NAF1: variants seen among roughly 807,000 people sequenced by gnomAD.
NAF1 encodes the protein H/ACA ribonucleoprotein complex non-core subunit NAF1.
Under a neutral mutation model 40.6 loss-of-function variants are expected in NAF1, and 11 were observed. The observed-to-expected ratio is 0.27, with a 90% confidence interval of 0.17 to 0.45. The LOEUF is 0.45. Among genes scored for constraint, NAF1 ranks in the 20% least tolerant of loss-of-function variants. NAF1 has a pLI of 1.00. For missense variants in NAF1, 607 were observed against 611.1 expected, an observed-to-expected ratio of 0.99 and a Z score of 0.07; for synonymous variants, 260 against 228.5, an observed-to-expected ratio of 1.14 and a Z score of -1.24.
At chr4:163,136,981 GAA>G (rs1473062490) in intron 6 of NAF1, among the ~76,000 whole-genome samples, 2 of 152,086 alleles carry the variant, frequency 1.3e-5, no homozygotes, top group Admixed American at 6.5e-5. Flanking sequence ...AAATGTAACT[GAA>G]AAAAGTTTTT....
chr4:163,149,186 C>A (rs1159454255), intron 2 of NAF1, among the ~76,000 whole-genome samples: 1 of 152,158 alleles, frequency 6.6e-6, no homozygotes, highest in Non-Finnish European at 1.5e-5. Flanking sequence ...TGACCTTAGC[C>A]TTTAGATTAA....
intron 1 of NAF1, among the ~76,000 whole-genome samples, chr4:163,165,697 G>T (rs1732424737): frequency 6.6e-6 from 1 of 152,160 alleles, no homozygotes; most frequent in Non-Finnish European, 1.5e-5. Context: ...TGTAGACAAT[G>T]TTCAGTGTGG....
intron 1 of NAF1, among the ~76,000 whole-genome samples, chr4:163,166,144 T>C (rs550048080): frequency 6.6e-6 from 1 of 152,040 alleles, no homozygotes; most frequent in African/African-American, 2.4e-5. Context: ...ATTTAGGAAA[T>C]AAGTCAGTAC....
intron 6 of NAF1, chr4:163,135,083 C>T (rs2110904290): frequency 6.6e-6 from 1 of 152,226 alleles, no homozygotes; most frequent in South Asian, 2.1e-4. Context: ...TTAAAAATGG[C>T]TATGAAGATG....
chr4:163,137,449 A>T (rs1398007726), intron 5 of NAF1, among the ~76,000 whole-genome samples, 199 bp from the exon 6 acceptor site: 1 of 152,210 alleles, frequency 6.6e-6, no homozygotes, highest in African/African-American at 2.4e-5. Context: ...GCAAGTAGAA[A>T]TATTAGGATT....
In NAF1 at chr4:163,166,414, G is replaced by T. The variant is rs1430768880; in HGVS notation, c.314C>A (p.Ala105Glu). The T allele has an allele frequency of 6.2e-7, 1 of 1,607,558 alleles. No homozygotes were observed. The highest frequency in any genetic ancestry group is 1.1e-5 in the South Asian group (1 of 90,634). Reference protein sequence around the residue: ...CVTSPGAAEPARAPDSLETSD... With the variant: ...CVTSPGAAEPERAPDSLETSD... ...GGTCTCCAAGGAGTCCGGCGCCCGC[G>T]CAGGCTCTGCGGCTCCTGGGGAGGT... The change falls in exon 1 of 8, where the codon GCG (alanine) becomes GAG (glutamate). Residue 105 changes from alanine to glutamate, a missense_variant. Ala to Glu is a moderately radical substitution (Grantham distance 107). This residue lies in a region of NAF1 where 407 missense variants were observed against 365.5 expected (regional missense o/e 1.11). Transcript: ENST00000274054.
chr4:163,154,839 C>T (rs1244285129), intron 2 of NAF1, among the ~76,000 whole-genome samples: 1 of 151,786 alleles, frequency 6.6e-6, no homozygotes, highest in Admixed American at 6.6e-5. Flanking sequence ...CCATTGCACT[C>T]CAGCCTGGGC....
chr4:163,136,551 T>C (rs1020569888), intron 6 of NAF1, among the ~76,000 whole-genome samples: 3 of 151,900 alleles, frequency 2.0e-5, no homozygotes, highest in African/African-American at 7.2e-5. Flanking sequence ...TTAAACACTT[T>C]CATGGAATGT....
chr4:163,131,691 A>G (rs886095042), intron 7 of NAF1, among the ~76,000 whole-genome samples: 1 of 152,212 alleles, frequency 6.6e-6, no homozygotes, highest in African/African-American at 2.4e-5. Flanking sequence ...GGAAGTTCTC[A>G]GATTCCATAA....
intron 2 of NAF1, among the ~76,000 whole-genome samples, chr4:163,149,900 T>C (rs1452794933): frequency 6.6e-6 from 1 of 152,170 alleles, no homozygotes; most frequent in Non-Finnish European, 1.5e-5. Flanking sequence ...AGGGCTTTAA[T>C]GATATTTCAG....
At chr4:163,152,878 C>G (rs894045600) in intron 2 of NAF1, among the ~76,000 whole-genome samples, 1 of 152,182 alleles carries the variant, frequency 6.6e-6, no homozygotes, top group East Asian at 1.9e-4. Context: ...GGGCTGCGCG[C>G]GGCGCTTGCG....
chr4:163,157,108 C>T (rs1732017381), intron 2 of NAF1: 1 of 152,044 alleles, frequency 6.6e-6, no homozygotes, highest in Non-Finnish European at 1.5e-5. Context: ...AAATGAACTA[C>T]TAAAATTCAA....
downstream of NAF1, among the ~76,000 whole-genome samples, chr4:163,108,095 A>T (rs2320333): frequency 0.82 from 124,393 of 152,168 alleles, 50,885 homozygotes; most frequent in South Asian, 0.85. Flanking sequence ...CCTGCATGCA[A>T]CATAATTTGC....
intron 2 of NAF1, among the ~76,000 whole-genome samples, chr4:163,151,421 A>C (rs1468361342): frequency 6.6e-6 from 1 of 151,872 alleles, no homozygotes; most frequent in African/African-American, 2.4e-5. Flanking sequence ...TTCTTGTATA[A>C]AAGTGCAGCA....
At position 163,131,323 on chromosome 4, in the gene NAF1, T is replaced by G. The variant is rs1273459384; in HGVS notation, c.1033+1831A>C. On this transcript the variant is annotated intron_variant, in intron 7 of 7. Coordinates refer to ENST00000274054, the MANE Select transcript of NAF1 (RefSeq NM_138386.3). The stretch of plus-strand genomic sequence containing the variant: ...AGAATGAAAGAAAAAAGCTCAGAAG[T>G]TCAAGGTTACAGTGAGCTATGATTG... 2.0e-5 allele frequency among the ~76,000 whole-genome samples: 3 copies of G among 152,080 alleles called. No homozygotes were observed. In the East Asian group the frequency reaches 5.8e-4, roughly 29 times the overall value.
At chr4:163,161,229 T>A (rs769477314) in intron 2 of NAF1, among the ~76,000 whole-genome samples, 34 of 152,040 alleles carry the variant, frequency 2.2e-4, no homozygotes, top group South Asian at 2.1e-4. Flanking sequence ...TCCCAGCACT[T>A]TGGGAGGCCG....
intron 2 of NAF1, among the ~76,000 whole-genome samples, chr4:163,111,701 GAATC>G (rs1375304106): frequency 6.6e-6 from 1 of 152,142 alleles, no homozygotes; most frequent in African/African-American, 2.4e-5. Context: ...AGGGAAAAGA[GAATC>G]AATTAGAAAA....
At chr4:163,140,869 CAG>C (rs1731234022) in intron 4 of NAF1, among the ~76,000 whole-genome samples, 1 of 152,088 alleles carries the variant, frequency 6.6e-6, no homozygotes, top group African/African-American at 2.4e-5. Context: ...TGTAAAATTA[CAG>C]ACTTTTTCTA....
Position 163,133,136 on chromosome 4 carries a change from T to C in NAF1, c.1033+18A>G, listed in dbSNP as rs766582788. 1 of 1,563,898 alleles carries C rather than the reference T, an allele frequency of 6.4e-7. No individual in the cohort carries two copies. The highest frequency in any genetic ancestry group is 8.8e-7 in the Non-Finnish European group (1 of 1,135,066). Reference sequence around the variant, plus strand: ...TAAATGAAGATAAAGAACGAGTATATATATTGTATTCACTCACCAGGCTCA... The same window carrying C: ...TAAATGAAGATAAAGAACGAGTATACATATTGTATTCACTCACCAGGCTCA... On this transcript the variant is annotated intron_variant, in intron 7 of 7. Transcript: ENST00000274054.
Sources: gnomAD v4.1 joint callset for allele counts (sites outside exome capture counted in the v4.1 genomes callset) on GRCh38, gnomAD v4.1.1 for gene constraint, gnomAD v4.1.1 regional missense constraint, MANE v1.5 for transcripts, NCBI Gene and HGNC (gene_info 2026-07-23, HGNC 2026-07-21) for gene names.